Variants in TGM5 observed in about 807,000 individuals in gnomAD.
TGM5 encodes the protein protein-glutamine gamma-glutamyltransferase 5.
In TGM5, 69 loss-of-function variants were observed where a neutral mutation model predicts 77.2. The ratio of observed to expected loss-of-function variants is 0.89; its 90% CI spans 0.74 to 1.09. TGM5 has a LOEUF of 1.09. Ranked by LOEUF, TGM5 falls within the 50% of genes least tolerant of loss-of-function variation. The pLI, the probability that TGM5 is intolerant of heterozygous loss-of-function variation, is 0.00. For synonymous variants in TGM5, 346 were observed against 351.8 expected, an observed-to-expected ratio of 0.98 and a Z score of 0.18; for missense variants, 842 against 896.5, an observed-to-expected ratio of 0.94 and a Z score of 0.78.
intron 1 of TGM5, among the ~76,000 whole-genome samples, chr15:43,261,095 T>G (rs964869543): frequency 1.3e-4 from 17 of 130,336 alleles, no homozygotes; most frequent in Non-Finnish European, 1.9e-4. Context: ...TTTTTTTTTT[T>G]TTTTTTTTTT....
At chr15:43,242,200 G>A (rs1596443751) in intron 6 of TGM5, among the ~76,000 whole-genome samples, 1 of 152,230 alleles carries the variant, frequency 6.6e-6, no homozygotes, top group African/African-American at 2.4e-5. Flanking sequence ...CAGCTAGTAA[G>A]AGGCAGAGCT....
intron 7 of TGM5, 30 bp from the exon 8 acceptor site, chr15:43,239,296 G>T: frequency 6.2e-7 from 1 of 1,606,684 alleles, no homozygotes; most frequent in Non-Finnish European, 8.5e-7. Flanking sequence ...GGGAGACGTT[G>T]TACTGCTTGG....
Position 43,241,112 on chromosome 15 carries a change from C to A in TGM5, c.863-122G>T, listed in dbSNP as rs914134444. Reference sequence around the variant, plus strand: ...TGCCATCTGCAGGAACATGCTGGAGCTGTCTGGAACACTGGAATAGTGATA... The same window carrying A: ...TGCCATCTGCAGGAACATGCTGGAGATGTCTGGAACACTGGAATAGTGATA... On this transcript the variant is annotated intron_variant, in intron 6 of 12. Coordinates refer to ENST00000220420, the MANE Select transcript of TGM5 (RefSeq NM_201631.4). The A allele has an allele frequency of 4.4e-5, 56 of 1,264,312 alleles. No homozygotes were observed. The African/African-American group carries it at 7.4e-4, about 17-fold the overall frequency. 78.3% of individuals were successfully genotyped at this position (1,264,312 alleles called of 1,614,324 possible).
At chr15:43,248,200 CAG>C (rs956527402) in intron 6 of TGM5, among the ~76,000 whole-genome samples, 4 of 152,272 alleles carry the variant, frequency 2.6e-5, no homozygotes, top group Non-Finnish European at 4.4e-5. Flanking sequence ...TTTTTTGAGA[CAG>C]AGTCTTGCTC....
At chr15:43,258,502 A>G (rs2042759882) in intron 3 of TGM5, among the ~76,000 whole-genome samples, 1 of 152,226 alleles carries the variant, frequency 6.6e-6, no homozygotes, top group Non-Finnish European at 1.5e-5. Flanking sequence ...TCTGACCCTG[A>G]GGGAAAGGTG....
rs1402663423 is a variant in TGM5, at chr15:43,260,452, C to G, written c.138G>C (p.Arg46Ser). 1.2e-6 allele frequency: 2 copies of G among 1,614,066 alleles called. No individual in the cohort carries two copies. Among genetic ancestry groups the G allele is most frequent in the Non-Finnish European group, 1.7e-6 (2 of 1,180,034 alleles). ...CCAGGCCTGGCTGGAAGCTCCGGTTCCTGAAGTACAGGGTGAGGTTGAAGG... is the reference window on the plus strand; with the variant it reads ...CCAGGCCTGGCTGGAAGCTCCGGTTGCTGAAGTACAGGGTGAGGTTGAAGG... Reference protein sequence around the residue: ...GQAFNLTLYFRNRSFQPGLDN... With the variant: ...GQAFNLTLYFSNRSFQPGLDN... The change falls in exon 2 of 13, where the codon AGG (arginine) becomes AGC (serine). Residue 46 changes from arginine to serine, a missense_variant. By Grantham distance (110) the Arg-to-Ser change is moderately radical (BLOSUM62 -1). This residue lies in a region of TGM5 where 815 missense variants were observed against 844.6 expected (regional missense o/e 0.96). Transcript: ENST00000220420.
At chr15:43,239,517 A>C in intron 7 of TGM5, 1 of 393,048 alleles carries the variant, frequency 2.5e-6, no homozygotes, top group Non-Finnish European at 4.7e-6. Context: ...TCTCGTCTCA[A>C]AAAAAAAAAA....
At position 43,252,735 on chromosome 15, in the gene TGM5, T is replaced by C. The variant is rs58400415; in HGVS notation, c.862+24A>G. 6.3e-3 allele frequency: 10,145 copies of C among 1,612,666 alleles called. 417 individuals carry two copies. The African/African-American group carries it at 0.1, about 16-fold the overall frequency. ...TGAGCGGCTATACTTCTGACCTTTT[T>C]GTGGGGTCCTTTCTACCTCCTACCT... On this transcript the variant is annotated intron_variant, in intron 6 of 12. Coordinates refer to ENST00000220420, the MANE Select transcript of TGM5 (RefSeq NM_201631.4).
At chr15:43,266,712 C>A in intron 1 of TGM5, 128 bp downstream of exon 1, 2 of 1,291,878 alleles carry the variant, frequency 1.5e-6, no homozygotes, top group Non-Finnish European at 2.2e-6. Context: ...GGGATTCTTG[C>A]TTTTCCTGCC....
chr15:43,235,820 G>C lies in TGM5; in HGVS notation c.1363C>G (p.Gln455Glu), dbSNP rs763181583. The change falls in exon 10 of 13, where the codon CAG becomes GAG. Residue 455 changes from glutamine to glutamate, a missense_variant. By Grantham distance (29) the Gln-to-Glu change is conservative (BLOSUM62 2). Coordinates refer to ENST00000220420, the MANE Select transcript of TGM5 (RefSeq NM_201631.4). ...TTCTGCAGAGCCTTCAGAAACACCT[G>C]CCTCTCCTGGAGGGATCCTGAAGTT... The part of the protein sequence containing the change: ...KYEEGSLQER[Q>E]VFLKALQKLK... 2 of 1,613,868 alleles carry C rather than the reference G, an allele frequency of 1.2e-6. No individual in the cohort carries two copies. Among genetic ancestry groups the C allele is most frequent in the African/African-American group, 2.7e-5 (2 of 74,910 alleles).
At chr15:43,238,676 A>T in intron 9 of TGM5, 141 bp downstream of exon 9, 2 of 1,330,504 alleles carry the variant, frequency 1.5e-6, no homozygotes, top group Non-Finnish European at 2.1e-6. Context: ...CTGTGAGGCC[A>T]CCCCAACTGG....
At chr15:43,241,254 T>C (rs2042634134) in intron 6 of TGM5, 3 of 525,040 alleles carry the variant, frequency 5.7e-6, no homozygotes, top group Admixed American at 6.2e-5. Flanking sequence ...AGCTGTGAGC[T>C]CTGCTTACGC....
chr15:43,246,329 C>T (rs1465018609), intron 6 of TGM5, among the ~76,000 whole-genome samples: 1 of 152,156 alleles, frequency 6.6e-6, no homozygotes, highest in Non-Finnish European at 1.5e-5. Context: ...ACTGACTGTA[C>T]AGACACAGCC....
chr15:43,246,325 T>C (rs1361238790), intron 6 of TGM5, among the ~76,000 whole-genome samples: 2 of 152,164 alleles, frequency 1.3e-5, no homozygotes, highest in African/African-American at 2.4e-5. Context: ...ACAAACTGAC[T>C]GTACAGACAC....
At chr15:43,244,578 A>C (rs979132383) in intron 6 of TGM5, among the ~76,000 whole-genome samples, 3 of 152,240 alleles carry the variant, frequency 2.0e-5, no homozygotes, top group Non-Finnish European at 4.4e-5. Context: ...CAGAGTTATC[A>C]AGGTATATCA....
At chr15:43,265,046 A>G (rs922626096) in intron 1 of TGM5, among the ~76,000 whole-genome samples, 3 of 152,230 alleles carry the variant, frequency 2.0e-5, no homozygotes, top group African/African-American at 7.2e-5. Flanking sequence ...TTTAATCAAC[A>G]TCTTATTGAG....
At chr15:43,233,966 C>T (rs1262620066) in intron 11 of TGM5, among the ~76,000 whole-genome samples, 4 of 152,184 alleles carry the variant, frequency 2.6e-5, no homozygotes, top group Admixed American at 6.5e-5. Context: ...GAGATGCCTT[C>T]AGACCTTTAC....
Position 43,257,309 on chromosome 15 carries a change from C to T in TGM5, c.437-623G>A, listed in dbSNP as rs530259950. On this transcript the variant is annotated intron_variant, in intron 3 of 12. Transcript: ENST00000220420. ...ACCATGGAATCCCATACCATAGAGACGTAAGGCAGCAAAATCGTGTACATG... is the reference window on the plus strand; with the variant it reads ...ACCATGGAATCCCATACCATAGAGATGTAAGGCAGCAAAATCGTGTACATG... Among the ~76,000 whole-genome samples the T allele has an allele frequency of 2.0e-4, 30 of 152,242 alleles. 2 individuals carry two copies. The highest frequency in any genetic ancestry group is 3.9e-4 in the East Asian group (2 of 5,184).
intron 9 of TGM5, 57 bp downstream of exon 9, chr15:43,238,760 G>T: frequency 1.2e-6 from 2 of 1,602,616 alleles, no homozygotes; most frequent in Non-Finnish European, 1.7e-6. Flanking sequence ...GCTCCCTGGG[G>T]TAGGGGAAGG....
Sources: allele counts gnomAD v4.1 joint callset (sites outside exome capture counted in the v4.1 genomes callset), GRCh38; gene constraint gnomAD v4.1.1; regional missense constraint gnomAD v4.1.1; transcripts MANE v1.5; gene names NCBI Gene and HGNC (gene_info 2026-07-23, HGNC 2026-07-21).